Variants in PRKCA observed in about 807,000 individuals in gnomAD.
PRKCA encodes the protein protein kinase C alpha, also known as protein kinase C alpha type.
In PRKCA, 27 loss-of-function variants were observed where a neutral mutation model predicts 87.0. The ratio of observed to expected loss-of-function variants is 0.31; its 90% CI spans 0.23 to 0.43. The LOEUF (loss-of-function observed/expected upper bound fraction) is 0.43, where lower values mean the gene tolerates loss of function less well. Ranked by LOEUF, PRKCA falls within the 20% of genes least tolerant of loss-of-function variation. PRKCA has a pLI of 1.00. For synonymous variants in PRKCA, 329 were observed against 311.1 expected (o/e 1.06, Z -0.61); for missense variants, 518 against 852.3 (o/e 0.61, Z 4.88).
intron 3 of PRKCA, among the ~76,000 whole-genome samples, chr17:66,538,827 G>A (rs1206625301): frequency 6.6e-6 from 1 of 152,190 alleles, no homozygotes; most frequent in Non-Finnish European, 1.5e-5. Context: ...ATTCCAGTTA[G>A]CAAACTACCT....
In PRKCA at chr17:66,807,506, C is replaced by G. The variant is rs948793680; in HGVS notation, c.*3469C>G. The stretch of plus-strand genomic sequence containing the variant: ...GCAAGAACTAATTCAAAAGGCAGAT[C>G]AGAAACCACAGGAGTCAAAATTATT... On this transcript the variant is annotated 3_prime_UTR_variant, in exon 17 of 17. Transcript: ENST00000413366. The surrounding 1 kb of genome is among the most constrained non-coding windows in gnomAD (Gnocchi z 4.3). The G allele has an allele frequency of 1.2e-4, 18 of 152,252 alleles. No individual in the cohort carries two copies. The highest frequency in any genetic ancestry group is 1.9e-4 in the Non-Finnish European group (13 of 68,054). 9.4% of individuals were successfully genotyped at this position (152,252 alleles called of 1,614,324 possible).
chr17:66,765,203 C>T (rs1273182869), intron 13 of PRKCA, among the ~76,000 whole-genome samples: 1 of 151,894 alleles, frequency 6.6e-6, no homozygotes, highest in Non-Finnish European at 1.5e-5. Flanking sequence ...CACCTGAGAT[C>T]AGGAGTTCAA....
intron 5 of PRKCA, among the ~76,000 whole-genome samples, chr17:66,664,647 GTTTTTTT>G (rs398031366): frequency 1.5e-5 from 1 of 67,790 alleles, no homozygotes; most frequent in Non-Finnish European, 2.7e-5. Context: ...TTTTGCTTTG[GTTTTTTT>G]TTTTTTTTTT....
intron 14 of PRKCA, 56 bp from the exon 15 acceptor site, chr17:66,786,811 T>G: frequency 6.9e-7 from 1 of 1,449,752 alleles, no homozygotes; most frequent in Non-Finnish European, 9.6e-7. Flanking sequence ...TCAGGCACCA[T>G]GTGAATGAAT....
chr17:66,440,475 A>C (rs1490661208), intron 2 of PRKCA, among the ~76,000 whole-genome samples: 1 of 152,242 alleles, frequency 6.6e-6, no homozygotes, highest in Non-Finnish European at 1.5e-5. Context: ...GACTTTGCTG[A>C]CAAGAAGAGG....
At chr17:66,356,907 C>T (rs1213318137) in intron 2 of PRKCA, among the ~76,000 whole-genome samples, 6 of 152,236 alleles carry the variant, frequency 3.9e-5, no homozygotes, top group Admixed American at 2.6e-4. Context: ...GCCACACCAC[C>T]ATGCCCTGCT....
chr17:66,525,207 T>G (rs1231898646), intron 3 of PRKCA, among the ~76,000 whole-genome samples: 1 of 152,096 alleles, frequency 6.6e-6, no homozygotes, highest in Non-Finnish European at 1.5e-5. Flanking sequence ...GGAGCAGAAA[T>G]GAGTGTAAAA....
rs773919783 is a variant in PRKCA, at chr17:66,404,742, C to CTTTTTTTTTTTTTTTTTTT, written c.206-91450_206-91432dup. ...CTGGCTGCTGGAAAGGATGGTAGGC[C>CTTTTTTTTTTTTTTTTTTT]TTTTTTTTTTTTTTTTTTTTTTTTT... On this transcript the variant is annotated intron_variant, in intron 2 of 16. Coordinates refer to ENST00000413366, the MANE Select transcript of PRKCA (RefSeq NM_002737.3). Among the ~76,000 whole-genome samples, 8 of 54,246 alleles carry CTTTTTTTTTTTTTTTTTTT rather than the reference C, an allele frequency of 1.5e-4. 3 individuals carry two copies. The highest frequency in any genetic ancestry group is 2.3e-4 in the Non-Finnish European group (7 of 31,056). 35.6% of individuals were successfully genotyped at this position (54,246 alleles called of 152,430 possible).
chr17:66,666,549 G>A (rs1972047455), intron 5 of PRKCA, among the ~76,000 whole-genome samples: 1 of 152,150 alleles, frequency 6.6e-6, no homozygotes, highest in African/African-American at 2.4e-5. Flanking sequence ...ATCCAATATT[G>A]ATGAATCCAG....
intron 2 of PRKCA, among the ~76,000 whole-genome samples, chr17:66,471,201 GT>G (rs1279575584): frequency 6.6e-6 from 1 of 152,126 alleles, no homozygotes. Flanking sequence ...TCAGAGCAAA[GT>G]TTATTTTATG....
chr17:66,578,160 C>T lies in PRKCA; in HGVS notation c.289-63195C>T, dbSNP rs536133148. Among the ~76,000 whole-genome samples, 18 of 148,998 alleles carry T rather than the reference C, an allele frequency of 1.2e-4. No homozygotes were observed. In the South Asian group the frequency reaches 3.9e-3, roughly 32 times the overall value. On this transcript the variant is annotated intron_variant, in intron 3 of 16. Transcript: ENST00000413366. The stretch of plus-strand genomic sequence containing the variant: ...TAAAACAAAACAAAACAAAACAAAA[C>T]AGCCCTCATTGTCTCCCTTTGATAT...
At chr17:66,592,811 G>T (rs2143548856) in intron 3 of PRKCA, among the ~76,000 whole-genome samples, 1 of 152,020 alleles carries the variant, frequency 6.6e-6, no homozygotes, top group Middle Eastern at 3.4e-3. Context: ...TTTATTTTTT[G>T]AGACAAAGTC....
chr17:66,745,080 A>T (rs1440434645), intron 13 of PRKCA, among the ~76,000 whole-genome samples: 3 of 152,194 alleles, frequency 2.0e-5, no homozygotes, highest in Non-Finnish European at 4.4e-5. Flanking sequence ...ATCCTTTTTA[A>T]TGCATAAAGG....
chr17:66,540,380 G>A (rs954041681), intron 3 of PRKCA, among the ~76,000 whole-genome samples: 2 of 152,228 alleles, frequency 1.3e-5, no homozygotes, highest in African/African-American at 4.8e-5. Context: ...AAACCCTGGA[G>A]TGGGGCTTGA....
chr17:66,343,918 G>T (rs1420268496), intron 2 of PRKCA, among the ~76,000 whole-genome samples: 1 of 152,000 alleles, frequency 6.6e-6, no homozygotes, highest in South Asian at 2.1e-4. Flanking sequence ...GCCTACCATT[G>T]TATGTTTTCA....
intron 3 of PRKCA, among the ~76,000 whole-genome samples, chr17:66,641,139 C>T (rs547346407): frequency 4.4e-5 from 6 of 135,564 alleles, no homozygotes; most frequent in South Asian, 2.4e-4. Flanking sequence ...GCCTGGGCGA[C>T]GAGCAAGACT....
At chr17:66,329,265 A>G (rs1906182332) in intron 2 of PRKCA, among the ~76,000 whole-genome samples, 1 of 152,186 alleles carries the variant, frequency 6.6e-6, no homozygotes, top group Non-Finnish European at 1.5e-5. Flanking sequence ...ATTCACTATT[A>G]CGTAGCATGC....
At chr17:66,652,489 AT>A (rs1284208306) in intron 5 of PRKCA, among the ~76,000 whole-genome samples, 1 of 152,134 alleles carries the variant, frequency 6.6e-6, no homozygotes, top group Admixed American at 6.5e-5. Context: ...TTTAGGGGTC[AT>A]TTTTTCCTAA....
At chr17:66,466,495 A>G (rs1263960845) in intron 2 of PRKCA, among the ~76,000 whole-genome samples, 1 of 152,198 alleles carries the variant, frequency 6.6e-6, no homozygotes, top group Non-Finnish European at 1.5e-5. Context: ...CCACTGAGCA[A>G]CAAGTGACTT....
Sources: gnomAD v4.1 joint callset for allele counts (sites outside exome capture counted in the v4.1 genomes callset) on GRCh38, gnomAD v4.1.1 for gene constraint, Gnocchi (gnomAD v3.1) non-coding constraint, MANE v1.5 for transcripts, NCBI Gene and HGNC (gene_info 2026-07-23, HGNC 2026-07-21) for gene names.